IQCJ: variants seen among roughly 807,000 people sequenced by gnomAD.
IQCJ encodes IQ motif containing J.
Under a neutral mutation model 11.0 loss-of-function variants are expected in IQCJ, and 9 were observed. That is an observed-to-expected ratio of 0.82 (90% CI 0.49 to 1.43). The LOEUF (loss-of-function observed/expected upper bound fraction) is 1.43, where lower values mean the gene tolerates loss of function less well. Among genes scored for constraint, IQCJ ranks in the 40% most tolerant of loss-of-function variants. The pLI, the probability that IQCJ is intolerant of heterozygous loss-of-function variation, is 0.00. For synonymous variants in IQCJ, 55 were observed against 51.3 expected, an observed-to-expected ratio of 1.07 and a Z score of -0.31; for missense variants, 146 against 133.2, an observed-to-expected ratio of 1.10 and a Z score of -0.47.
At chr3:159,144,530 G>T (rs1323001188) in intron 1 of IQCJ, among the ~76,000 whole-genome samples, 3 of 152,140 alleles carry the variant, frequency 2.0e-5, no homozygotes, top group Non-Finnish European at 4.4e-5. Context: ...TAAGTGACCT[G>T]TTCCTGGCAA....
At chr3:159,178,307 T>C (rs1015324743) in intron 1 of IQCJ, among the ~76,000 whole-genome samples, 1 of 152,162 alleles carries the variant, frequency 6.6e-6, no homozygotes, top group Non-Finnish European at 1.5e-5. Flanking sequence ...ATTGCACATC[T>C]TGGTGTTGAT....
intron 1 of IQCJ, among the ~76,000 whole-genome samples, chr3:159,092,524 C>T (rs1717390842): frequency 6.6e-6 from 1 of 151,682 alleles, no homozygotes; most frequent in Admixed American, 6.6e-5. Context: ...ACGGTGAAAC[C>T]CCCTCTCTAC....
At chr3:159,144,651 T>C (rs201522670) in intron 1 of IQCJ, among the ~76,000 whole-genome samples, 5 of 75,712 alleles carry the variant, frequency 6.6e-5, no homozygotes, top group African/African-American at 3.0e-4. Context: ...TACACACACA[T>C]ACACACACAG....
At chr3:159,199,654 C>A (rs533217448) in intron 1 of IQCJ, among the ~76,000 whole-genome samples, 21 of 152,210 alleles carry the variant, frequency 1.4e-4, no homozygotes, top group Middle Eastern at 3.4e-3. Flanking sequence ...GAGGGTACTA[C>A]TCAGAAGAAA....
At chr3:159,125,075 A>T (rs1423452883) in intron 1 of IQCJ, among the ~76,000 whole-genome samples, 1 of 152,190 alleles carries the variant, frequency 6.6e-6, no homozygotes, top group Non-Finnish European at 1.5e-5. Flanking sequence ...AGAGGGGGAA[A>T]AATAGTAATT....
At chr3:159,223,782 A>G (rs1440533873) in intron 1 of IQCJ, among the ~76,000 whole-genome samples, 3 of 152,140 alleles carry the variant, frequency 2.0e-5, no homozygotes, top group East Asian at 3.8e-4. Flanking sequence ...ATGATGCCAC[A>G]AGTGGAAAAT....
intron 1 of IQCJ, among the ~76,000 whole-genome samples, chr3:159,073,775 T>G (rs1271585792): frequency 6.6e-6 from 1 of 152,136 alleles, no homozygotes; most frequent in Non-Finnish European, 1.5e-5. Context: ...AAGAATGAAT[T>G]CCAAGGTTCT....
In IQCJ at chr3:159,069,395, A is replaced by T. The variant is rs1429037587; in HGVS notation, c.-38A>T. 6.3e-7 allele frequency: 1 copy of T among 1,599,666 alleles called. No homozygotes were observed. Among genetic ancestry groups the T allele is most frequent in the African/African-American group, 1.4e-5 (1 of 73,850 alleles). The stretch of plus-strand genomic sequence containing the variant: ...AATACAGTGTGCCAGCATCCGATCC[A>T]GTCTCCTTTCACCTGCAGGTGTTCC... On this transcript the variant is annotated 5_prime_UTR_variant, in exon 1 of 4. Transcript: ENST00000397832.
At chr3:159,126,638 T>G (rs2108151971) in intron 1 of IQCJ, among the ~76,000 whole-genome samples, 1 of 152,280 alleles carries the variant, frequency 6.6e-6, no homozygotes, top group South Asian at 2.1e-4. Context: ...AAGCTGGGTG[T>G]TTTTCAAATA....
At chr3:159,121,944 A>C (rs1312306087) in intron 1 of IQCJ, among the ~76,000 whole-genome samples, 2 of 151,980 alleles carry the variant, frequency 1.3e-5, no homozygotes, top group African/African-American at 4.8e-5. Context: ...ACTATGTCTT[A>C]CTCAGTTCAG....
At chr3:159,118,844 T>C (rs1230004689) in intron 1 of IQCJ, among the ~76,000 whole-genome samples, 2 of 152,174 alleles carry the variant, frequency 1.3e-5, no homozygotes, top group East Asian at 3.9e-4. Flanking sequence ...TCTACAATAC[T>C]GAAGGAAGGT....
intron 1 of IQCJ, among the ~76,000 whole-genome samples, chr3:159,111,362 T>C (rs1325187609): frequency 6.6e-6 from 1 of 151,642 alleles, no homozygotes; most frequent in African/African-American, 2.4e-5. Context: ...CTAGCTCTCT[T>C]CTCTTTGATT....
At chr3:159,130,084 C>A (rs1269665124) in intron 1 of IQCJ, among the ~76,000 whole-genome samples, 1 of 152,152 alleles carries the variant, frequency 6.6e-6, no homozygotes, top group African/African-American at 2.4e-5. Context: ...ATCTCCCTCC[C>A]CTCCCCATCC....
intron 1 of IQCJ, among the ~76,000 whole-genome samples, chr3:159,214,897 A>G (rs1392805136): frequency 6.6e-6 from 1 of 152,214 alleles, no homozygotes; most frequent in Non-Finnish European, 1.5e-5. Context: ...GTTTGGAGCC[A>G]CAGGGCATAT....
At chr3:159,129,867 A>G (rs901114477) in intron 1 of IQCJ, among the ~76,000 whole-genome samples, 17 of 152,186 alleles carry the variant, frequency 1.1e-4, no homozygotes, top group Non-Finnish European at 2.1e-4. Context: ...GGAAACTGAC[A>G]TTGATAAAAT....
At position 159,140,864 on chromosome 3, in the gene IQCJ, C is replaced by T. The variant is rs116488854; in HGVS notation, c.9+71423C>T. ...TGTGTTGTCTCACAGATGCATGCTACGCACCCAGTGGGTTTGTGCCAGAAC... is the reference window on the plus strand; with the variant it reads ...TGTGTTGTCTCACAGATGCATGCTATGCACCCAGTGGGTTTGTGCCAGAAC... On this transcript the variant is annotated intron_variant, in intron 1 of 3. Coordinates refer to ENST00000397832, the MANE Select transcript of IQCJ (RefSeq NM_001042706.3). 3.7e-3 allele frequency among the ~76,000 whole-genome samples: 559 copies of T among 152,332 alleles called. 2 individuals carry two copies. Among genetic ancestry groups the T allele is most frequent in the African/African-American group, 0.013 (531 of 41,564 alleles).
chr3:159,077,559 T>C (rs1716007581), intron 1 of IQCJ, among the ~76,000 whole-genome samples: 1 of 152,122 alleles, frequency 6.6e-6, no homozygotes, highest in African/African-American at 2.4e-5. Flanking sequence ...TATTAAAAAG[T>C]ATACAAACAT....
intron 1 of IQCJ, among the ~76,000 whole-genome samples, chr3:159,229,301 C>T (rs1726050182): frequency 6.6e-6 from 1 of 151,088 alleles, no homozygotes; most frequent in South Asian, 2.1e-4. Flanking sequence ...CTTTTCTTGG[C>T]CCTATCTAGA....
At chr3:159,185,029 AG>A (rs1723302523) in intron 1 of IQCJ, among the ~76,000 whole-genome samples, 1 of 152,220 alleles carries the variant, frequency 6.6e-6, no homozygotes. Flanking sequence ...CATAGCCACA[AG>A]CAGGAAGCAT....
Sources: gnomAD v4.1 joint callset for allele counts (sites outside exome capture counted in the v4.1 genomes callset) on GRCh38, gnomAD v4.1.1 for gene constraint, MANE v1.5 for transcripts, NCBI Gene and HGNC (gene_info 2026-07-23, HGNC 2026-07-21) for gene names.